The following NDUFAF6 variants were observed in gnomAD, a reference collection of about 807,000 sequenced individuals.
The protein encoded by NDUFAF6 is NADH:ubiquinone oxidoreductase complex assembly factor 6.
A neutral mutation model predicts 40.8 loss-of-function variants in NDUFAF6; 45 were observed. The ratio of observed to expected loss-of-function variants is 1.10; its 90% confidence interval spans 0.87 to 1.42. The LOEUF (loss-of-function observed/expected upper bound fraction) is 1.42, where lower values mean the gene tolerates loss of function less well. Among genes scored for constraint, NDUFAF6 ranks in the 40% most tolerant of loss-of-function variants. The pLI is 0.00. For synonymous variants in NDUFAF6, 185 were observed against 155.9 expected (o/e 1.19, Z -1.39); for missense variants, 435 against 418.5 (o/e 1.04, Z -0.34).
In NDUFAF6 at chr8:95,027,944, A is replaced by G. The variant is rs193257692; in HGVS notation, c.197+2739A>G. Among the ~76,000 whole-genome samples the G allele has an allele frequency of 1.4e-4, 21 of 152,336 alleles. No homozygotes were observed. In the South Asian group the frequency reaches 4.4e-3, roughly 32 times the overall value. ...TGGGAAAATCTCAAACCTAATTTAC[A>G]TAGGCTTCTCCGACTTTGGCTTTGA... is the stretch of plus-strand genomic sequence containing the variant. On this transcript the variant is annotated intron_variant, in intron 1 of 8. Transcript: ENST00000396124.
chr8:94,925,287 A>G (rs558401715), intron 1 of NDUFAF6, among the ~76,000 whole-genome samples: 37 of 152,296 alleles, frequency 2.4e-4, no homozygotes, highest in South Asian at 8.3e-4. Context: ...TTACTGGCCT[A>G]TTGAAACTAG....
chr8:94,977,114 G>A (rs1180332682), intron 1 of NDUFAF6, among the ~76,000 whole-genome samples: 1 of 149,062 alleles, frequency 6.7e-6, no homozygotes, highest in Non-Finnish European at 1.5e-5. Context: ...ACTCTAGCCT[G>A]GGTGACAGAG....
chr8:95,083,747 A>G (rs1808950354), intron 2 of NDUFAF6, among the ~76,000 whole-genome samples: 2 of 152,242 alleles, frequency 1.3e-5, no homozygotes, highest in South Asian at 2.1e-4. Flanking sequence ...AGCAATGATC[A>G]TAGGTGGTAT....
downstream of NDUFAF6, among the ~76,000 whole-genome samples, chr8:95,077,611 A>G (rs1469098867): frequency 6.6e-6 from 1 of 152,246 alleles, no homozygotes; most frequent in African/African-American, 2.4e-5. Flanking sequence ...TAGTACTTTC[A>G]GATGCAGGTG....
intron 7 of NDUFAF6, among the ~76,000 whole-genome samples, chr8:95,051,318 A>G (rs1329215274): frequency 6.6e-6 from 1 of 152,238 alleles, no homozygotes; most frequent in African/African-American, 2.4e-5. Flanking sequence ...TGTCTTGAAA[A>G]TCAAGGGAGG....
downstream of NDUFAF6, among the ~76,000 whole-genome samples, chr8:95,108,287 T>C (rs906717095): frequency 6.6e-6 from 1 of 152,220 alleles, no homozygotes; most frequent in African/African-American, 2.4e-5. Flanking sequence ...CTATTTGGAA[T>C]GTTTTGGAAA....
chr8:95,100,316 C>G (rs1809612684), upstream of NDUFAF6: 1 of 150,040 alleles, frequency 6.7e-6, no homozygotes, highest in African/African-American at 2.5e-5. Context: ...ACAAAGTGAA[C>G]AATTTAACTT....
In NDUFAF6 at chr8:95,093,824, T is replaced by G. The variant is rs1809349452; in HGVS notation, n.214-7308T>G. On this transcript the variant is annotated intron_variant and non_coding_transcript_variant, in intron 2 of 5. Transcript: ENST00000523184. ...TTCTTAACACATATTAAGTATTCAG[T>G]TAATGTTAGGTAGCTAGTGGTATGA... Among the ~76,000 whole-genome samples the G allele has an allele frequency of 2.0e-5, 3 of 152,374 alleles. No homozygotes were observed. In the South Asian group the frequency reaches 6.2e-4, roughly 32 times the overall value.
intron 1 of NDUFAF6, among the ~76,000 whole-genome samples, chr8:94,976,571 G>A (rs1361593515): frequency 5.3e-5 from 8 of 151,206 alleles, no homozygotes; most frequent in Non-Finnish European, 1.5e-5. Context: ...CTACTTGGGA[G>A]GCTGAGACAG....
At chr8:95,081,447 G>A (rs546083841) in intron 2 of NDUFAF6, among the ~76,000 whole-genome samples, 43 of 152,096 alleles carry the variant, frequency 2.8e-4, no homozygotes, top group African/African-American at 1.0e-3. Flanking sequence ...TGGGATTACA[G>A]GCCTGAGCCA....
chr8:94,976,533 G>T (rs12386945), intron 1 of NDUFAF6, among the ~76,000 whole-genome samples: 66,118 of 144,312 alleles, frequency 0.46, 16,396 homozygotes, highest in East Asian at 0.72. Flanking sequence ...AATTAGCTGG[G>T]TGCGGTGGTA....
upstream of NDUFAF6, among the ~76,000 whole-genome samples, chr8:95,020,844 A>G (rs1827665004): frequency 6.6e-6 from 1 of 152,230 alleles, no homozygotes; most frequent in Non-Finnish European, 1.5e-5. Flanking sequence ...TTATAGGATC[A>G]AAACTGGGGG....
Position 95,045,058 on chromosome 8 carries a change from T to C in NDUFAF6, c.478-487T>C, listed in dbSNP as rs560898184. On this transcript the variant is annotated intron_variant, in intron 4 of 8. Transcript: ENST00000396124. ...AGCATGTAGATTCAAGAGTCAAATA[T>C]GTGGGTTCCCGTCCCCACCATTTAT... Among the ~76,000 whole-genome samples, 665 of 67,508 alleles carry C rather than the reference T, an allele frequency of 9.9e-3. 6 individuals carry two copies. The highest frequency in any genetic ancestry group is 0.015 in the Non-Finnish European group (392 of 26,164). 44.3% of individuals were successfully genotyped at this position (67,508 alleles called of 152,430 possible).
intron 1 of NDUFAF6, among the ~76,000 whole-genome samples, chr8:94,907,114 A>C (rs1415512295): frequency 6.6e-6 from 1 of 152,246 alleles, no homozygotes; most frequent in African/African-American, 2.4e-5. Flanking sequence ...TGGCCAGCAC[A>C]AAACAGTCTC....
chr8:95,011,379 C>T (rs1188283197), intron 2 of NDUFAF6, among the ~76,000 whole-genome samples: 1 of 152,196 alleles, frequency 6.6e-6, no homozygotes, highest in Non-Finnish European at 1.5e-5. Context: ...TCCTAGTGGA[C>T]AGAGTCATCT....
chr8:95,097,872 A>C (rs1057491968), upstream of NDUFAF6, among the ~76,000 whole-genome samples: 1 of 152,204 alleles, frequency 6.6e-6, no homozygotes, highest in African/African-American at 2.4e-5. Flanking sequence ...GATACCTTGC[A>C]AATTCCTCAT....
At chr8:95,035,094 T>C (rs1230105946) in intron 2 of NDUFAF6, among the ~76,000 whole-genome samples, 1 of 152,136 alleles carries the variant, frequency 6.6e-6, no homozygotes, top group East Asian at 1.9e-4. Flanking sequence ...TTAGCCAGGC[T>C]GGTCTTGAAC....
chr8:95,059,993 A>G (rs1832530075), downstream of NDUFAF6, among the ~76,000 whole-genome samples: 1 of 125,092 alleles, frequency 8.0e-6, no homozygotes, highest in East Asian at 2.1e-4. Flanking sequence ...TTTGGCAGCA[A>G]TCATCTAGGC....
chr8:95,073,396 C>T (rs778393586), intron 9 of NDUFAF6, among the ~76,000 whole-genome samples: 1 of 152,210 alleles, frequency 6.6e-6, no homozygotes, highest in Non-Finnish European at 1.5e-5. Flanking sequence ...GGCAGCGCCA[C>T]CTCTCCCGAG....
Sources: allele counts gnomAD v4.1 joint callset (sites outside exome capture counted in the v4.1 genomes callset), GRCh38; gene constraint gnomAD v4.1.1; transcripts MANE v1.5; gene names NCBI Gene and HGNC (gene_info 2026-07-23, HGNC 2026-07-21).